PTBP3: variants seen among roughly 807,000 people sequenced by gnomAD.
PTBP3 encodes the protein polypyrimidine tract binding protein 3.
Under a neutral mutation model 58.7 loss-of-function variants are expected in PTBP3, and 20 were observed. The observed-to-expected ratio is 0.34, with a 90% confidence interval of 0.24 to 0.50. The LOEUF is 0.50. Ranked by LOEUF, PTBP3 falls within the 20% of genes least tolerant of loss-of-function variation. PTBP3 has a pLI of 0.98. For synonymous variants in PTBP3, 185 were observed against 219.8 expected, an observed-to-expected ratio of 0.84 and a Z score of 1.40; for missense variants, 509 against 637.2, an observed-to-expected ratio of 0.80 and a Z score of 2.17.
At chr9:112,262,403 T>A in intron 5 of PTBP3, 32 bp downstream of exon 5, 1 of 1,508,288 alleles carries the variant, frequency 6.6e-7, no homozygotes, top group Non-Finnish European at 8.8e-7. Context: ...ATATTTAACT[T>A]AACTTTCTTA....
rs1310621832 is a variant in PTBP3, at chr9:112,227,640, A to G, written c.1148-13T>C. ...AGATGGTTCATTGCTAGTGCATGGGAAGAAAATTTTAAAGTTTGAGTATTA... is the reference window on the plus strand; with the variant it reads ...AGATGGTTCATTGCTAGTGCATGGGGAGAAAATTTTAAAGTTTGAGTATTA... On this transcript the variant is annotated splice_polypyrimidine_tract_variant and intron_variant, in intron 11 of 13. Coordinates refer to ENST00000374257, the MANE Select transcript of PTBP3 (RefSeq NM_001163788.4). The G allele has an allele frequency of 6.2e-7, 1 of 1,607,028 alleles. No individual in the cohort carries two copies. The highest frequency in any genetic ancestry group is 1.3e-5 in the African/African-American group (1 of 74,750).
At chr9:112,346,570 T>C in the PTBP3 span, among the ~76,000 whole-genome samples, 2 of 152,348 alleles carry the variant, frequency 1.3e-5, no homozygotes, top group African/African-American at 2.4e-5. Flanking sequence ...CTCATACCCA[T>C]ATACAATGAG....
chr9:112,372,631 T>C, the PTBP3 span, among the ~76,000 whole-genome samples: 1 of 152,202 alleles, frequency 6.6e-6, no homozygotes, highest in Non-Finnish European at 1.5e-5. Context: ...TTACCTATTA[T>C]GGACATTATT....
chr9:112,298,584 G>C (rs1206110632), intron 1 of PTBP3: 2 of 508,436 alleles, frequency 3.9e-6, no homozygotes, highest in African/African-American at 1.9e-5. Context: ...TAAATACTAT[G>C]TACAAAGTTA....
the PTBP3 span, among the ~76,000 whole-genome samples, chr9:112,366,081 G>A: frequency 4.6e-5 from 7 of 152,038 alleles, no homozygotes; most frequent in Non-Finnish European, 1.0e-4. Flanking sequence ...TCAGGAGTTC[G>A]AAACCAGCCT....
chr9:112,241,528 C>T lies in PTBP3; in HGVS notation c.803-6631G>A, dbSNP rs1281925220. Among the ~76,000 whole-genome samples, 7 of 152,254 alleles carry T rather than the reference C, an allele frequency of 4.6e-5. No individual in the cohort carries two copies. The South Asian group carries it at 1.0e-3, about 23-fold the overall frequency. On this transcript the variant is annotated intron_variant, in intron 7 of 13. Coordinates refer to ENST00000374257, the MANE Select transcript of PTBP3 (RefSeq NM_001163788.4). ...TTTTATACTGTATTTTTACTGTACCCTTTCTATGTTTAGATACACAAATAC... is the reference window on the plus strand; with the variant it reads ...TTTTATACTGTATTTTTACTGTACCTTTTCTATGTTTAGATACACAAATAC...
the PTBP3 span, among the ~76,000 whole-genome samples, chr9:112,359,303 C>T: frequency 5.3e-5 from 8 of 151,486 alleles, no homozygotes; most frequent in African/African-American, 1.5e-4. Context: ...AAAAATTAGC[C>T]GGGTATGATG....
chr9:112,226,704 A>AT (rs1835002557), intron 12 of PTBP3, among the ~76,000 whole-genome samples: 1 of 152,238 alleles, frequency 6.6e-6, no homozygotes, highest in Non-Finnish European at 1.5e-5. Flanking sequence ...AAGAGCAGCC[A>AT]TAAGTAACAC....
intron 1 of PTBP3, among the ~76,000 whole-genome samples, chr9:112,322,134 C>CAAAAAAAA (rs149553072): frequency 2.1e-4 from 14 of 68,292 alleles, no homozygotes; most frequent in African/African-American, 6.4e-4. Flanking sequence ...GACTCCATCT[C>CAAAAAAAA]AAAAAAAAAA....
chr9:112,258,074 T>C (rs77622804), intron 5 of PTBP3, among the ~76,000 whole-genome samples: 332 of 152,330 alleles, frequency 2.2e-3, no homozygotes, highest in African/African-American at 7.6e-3. Flanking sequence ...GAATTTCATA[T>C]TACTAGGATT....
the PTBP3 span, among the ~76,000 whole-genome samples, chr9:112,347,129 C>A: frequency 6.6e-6 from 1 of 151,970 alleles, no homozygotes; most frequent in Non-Finnish European, 1.5e-5. Flanking sequence ...ATATAAATAG[C>A]CTAATGCTAT....
chr9:112,358,332 G>A, the PTBP3 span, among the ~76,000 whole-genome samples: 5 of 152,072 alleles, frequency 3.3e-5, no homozygotes, highest in Non-Finnish European at 5.9e-5. Context: ...AAACTGGAAG[G>A]AGGGTGCCAC....
At chr9:112,283,073 C>A (rs1192836767) in intron 2 of PTBP3, among the ~76,000 whole-genome samples, 1 of 152,178 alleles carries the variant, frequency 6.6e-6, no homozygotes, top group Non-Finnish European at 1.5e-5. Context: ...CCTGAGGCCT[C>A]GCCTGCCATG....
the PTBP3 span, among the ~76,000 whole-genome samples, chr9:112,345,153 TTTAAAATGG>T: frequency 6.6e-6 from 1 of 151,714 alleles, no homozygotes; most frequent in Non-Finnish European, 1.5e-5. Context: ...AGCTATATAC[TTTAAAATGG>T]TTAAAATGGT....
chr9:112,227,097 C>T (rs1408501281), intron 12 of PTBP3, among the ~76,000 whole-genome samples: 2 of 152,172 alleles, frequency 1.3e-5, no homozygotes, highest in Admixed American at 6.5e-5. Flanking sequence ...ATTACTTCTA[C>T]AAACAGATGG....
At chr9:112,299,396 T>C (rs1828820321) in intron 1 of PTBP3, among the ~76,000 whole-genome samples, 1 of 152,160 alleles carries the variant, frequency 6.6e-6, no homozygotes, top group Admixed American at 6.5e-5. Context: ...ACAATTTTAT[T>C]TAACAAAAGA....
At chr9:112,307,040 G>A (rs917790618) in intron 1 of PTBP3, among the ~76,000 whole-genome samples, 4 of 152,186 alleles carry the variant, frequency 2.6e-5, no homozygotes, top group Non-Finnish European at 4.4e-5. Context: ...ATTAGGAAGA[G>A]CTTTTTGAAA....
chr9:112,320,279 T>TAAAAAAAA (rs35381625), intron 1 of PTBP3, among the ~76,000 whole-genome samples: 2 of 43,718 alleles, frequency 4.6e-5, no homozygotes, highest in Admixed American at 2.8e-4. Flanking sequence ...CCCTTTCTCT[T>TAAAAAAAA]AAAAAAAAAA....
intron 1 of PTBP3, among the ~76,000 whole-genome samples, chr9:112,315,255 G>A (rs1482256138): frequency 2.7e-5 from 4 of 150,448 alleles, no homozygotes; most frequent in African/African-American, 9.8e-5. Context: ...TAAAGGGACC[G>A]AAATGATACA....
Sources: gnomAD v4.1 joint callset for allele counts (sites outside exome capture counted in the v4.1 genomes callset) on GRCh38, gnomAD v4.1.1 for gene constraint, MANE v1.5 for transcripts, NCBI Gene and HGNC (gene_info 2026-07-23, HGNC 2026-07-21) for gene names.